WDR20: variants seen among roughly 807,000 people sequenced by gnomAD.
The protein encoded by WDR20 is WD repeat-containing protein 20.
WDR20 carries 3 observed loss-of-function variants against 38.7 expected under a neutral mutation model. The ratio of observed to expected loss-of-function variants is 0.08; its 90% CI spans 0.04 to 0.20. The LOEUF is 0.20. WDR20 is among the 10% of genes least tolerant of loss of function. The pLI is 1.00. For synonymous variants in WDR20, 298 were observed against 285.6 expected (o/e 1.04, Z -0.44); for missense variants, 559 against 727.7 (o/e 0.77, Z 2.67).
chr14:102,179,441 TAAAAAAAAAAA>T (rs5811061), intron 1 of WDR20, among the ~76,000 whole-genome samples: 5 of 136,112 alleles, frequency 3.7e-5, no homozygotes, highest in Non-Finnish European at 7.9e-5. Context: ...TTTTTTTTTC[TAAAAAAAAAAA>T]AAAGAAAGAA....
intron 1 of WDR20, among the ~76,000 whole-genome samples, chr14:102,158,676 T>A (rs971493839): frequency 6.6e-6 from 1 of 152,122 alleles, no homozygotes. Flanking sequence ...TGACTGTACT[T>A]CTTATTTCAC....
At chr14:102,162,621 C>T (rs1411037193) in intron 1 of WDR20, among the ~76,000 whole-genome samples, 3 of 152,118 alleles carry the variant, frequency 2.0e-5, no homozygotes, top group Middle Eastern at 3.4e-3. Flanking sequence ...TGCTCTCTCA[C>T]GCTCTCTCGC....
downstream of WDR20, chr14:102,214,559 T>C (rs947244800): frequency 3.0e-5 from 30 of 985,326 alleles, no homozygotes; most frequent in Admixed American, 7.4e-4. Context: ...ATTGCTATCC[T>C]TTCATTTGAA....
chr14:102,176,282 C>T (rs1030224262), intron 1 of WDR20, among the ~76,000 whole-genome samples: 4 of 152,040 alleles, frequency 2.6e-5, no homozygotes, highest in Non-Finnish European at 4.4e-5. Flanking sequence ...GTAGTCCCAG[C>T]TACCTGGGAG....
At chr14:102,217,599 GTCCCT>G (rs1341825199), downstream of WDR20, among the ~76,000 whole-genome samples, 34 of 152,218 alleles carry the variant, frequency 2.2e-4, 1 homozygote, top group Admixed American at 1.8e-3. Context: ...GGGTCCCGAC[GTCCCT>G]GGGCTGGGCC....
rs986489758 is a variant in WDR20 at position 102,222,060 on chromosome 14, G to T, written c.1693-770G>T. Among the ~76,000 whole-genome samples the T allele has an allele frequency of 1.3e-5, 2 of 152,196 alleles. No individual in the cohort carries two copies. The highest frequency in any genetic ancestry group is 6.5e-5 in the Admixed American group (1 of 15,290). The stretch of plus-strand genomic sequence containing the variant: ...CTTAGGTTTACCCAAGGTCACACCA[G>T]TATTGTAAAATCTGGGTGAGATTCC... On this transcript the variant is annotated intron_variant, in intron 3 of 3. Coordinates refer to the WDR20 transcript ENST00000335263. The surrounding 1 kb of genome is among the most constrained non-coding windows in gnomAD (Gnocchi z 4.4).
intron 1 of WDR20, among the ~76,000 whole-genome samples, chr14:102,182,534 A>T (rs549261808): frequency 3.9e-5 from 6 of 152,302 alleles, no homozygotes; most frequent in Admixed American, 3.9e-4. Flanking sequence ...ATTCCCATTC[A>T]TGCATTTGCT....
At chr14:102,202,802 G>C (rs1021787066) in intron 2 of WDR20, among the ~76,000 whole-genome samples, 2 of 152,120 alleles carry the variant, frequency 1.3e-5, no homozygotes, top group Non-Finnish European at 1.5e-5. Flanking sequence ...GGAGTACAGT[G>C]GTGTAATCAT....
chr14:102,139,740 C>A, upstream of WDR20: 1 of 903,338 alleles, frequency 1.1e-6, no homozygotes, highest in Non-Finnish European at 1.6e-6. Flanking sequence ...GTGAGCACGC[C>A]TGCGCAGTCG....
At chr14:102,184,326 T>A (rs936663427) in intron 1 of WDR20, among the ~76,000 whole-genome samples, 1 of 152,204 alleles carries the variant, frequency 6.6e-6, no homozygotes, top group Non-Finnish European at 1.5e-5. Flanking sequence ...CTGGTAAAGA[T>A]GTTGCAGTGT....
chr14:102,147,919 C>T (rs545133220), intron 1 of WDR20, among the ~76,000 whole-genome samples: 119 of 152,218 alleles, frequency 7.8e-4, no homozygotes, highest in African/African-American at 2.6e-3. Flanking sequence ...TTAGTAGAGA[C>T]GGGGTTTCCC....
intron 1 of WDR20, among the ~76,000 whole-genome samples, chr14:102,144,932 C>T (rs1241921453): frequency 6.6e-6 from 1 of 152,168 alleles, no homozygotes; most frequent in East Asian, 1.9e-4. Context: ...CTCCTGGCCT[C>T]AAGTGATTCA....
At chr14:102,172,060 G>A (rs1253606214) in intron 1 of WDR20, among the ~76,000 whole-genome samples, 5 of 151,470 alleles carry the variant, frequency 3.3e-5, no homozygotes, top group Admixed American at 2.0e-4. Context: ...GAGGCCTTCC[G>A]CAGTGTTTGT....
downstream of WDR20, among the ~76,000 whole-genome samples, chr14:102,215,483 T>A (rs869038): frequency 4.6e-3 from 703 of 152,296 alleles, 6 homozygotes; most frequent in African/African-American, 0.016. Context: ...CTGTAAGTTC[T>A]GGGATATATG....
chr14:102,174,611 G>A (rs1249718981), intron 1 of WDR20, among the ~76,000 whole-genome samples: 1 of 151,984 alleles, frequency 6.6e-6, no homozygotes, highest in East Asian at 1.9e-4. Flanking sequence ...AGTAGAGACG[G>A]GGTTTCACCA....
chr14:102,140,854 A>G (rs2050786613), intron 1 of WDR20, among the ~76,000 whole-genome samples: 1 of 152,192 alleles, frequency 6.6e-6, no homozygotes, highest in African/African-American at 2.4e-5. Context: ...CGAAGGGCTG[A>G]GTACTACAGT....
rs1304624908 is a variant in WDR20, at chr14:102,207,285, T to G, written c.433-1318T>G. On this transcript the variant is annotated intron_variant, in intron 2 of 2. Coordinates refer to ENST00000342702, the MANE Select transcript of WDR20 (RefSeq NM_144574.4). This position sits in a 1 kb window ranked among gnomAD's most constrained non-coding sequence, Gnocchi z 5.0. ...TAGCAGCCTACTTTCTAGGGTCTAA[T>G]GTTCATGCAGTGAGCTTGCATGGCT... Among the ~76,000 whole-genome samples the G allele has an allele frequency of 6.6e-6, 1 of 152,272 alleles. No homozygotes were observed. The highest frequency in any genetic ancestry group is 1.5e-5 in the Non-Finnish European group (1 of 68,048).
intron 1 of WDR20, among the ~76,000 whole-genome samples, chr14:102,167,011 C>G (rs1405207658): frequency 6.6e-6 from 1 of 152,168 alleles, no homozygotes; most frequent in African/African-American, 2.4e-5. Context: ...GATTGTCACT[C>G]CCAGGCTTGA....
chr14:102,175,787 G>A (rs1454837562), intron 1 of WDR20, among the ~76,000 whole-genome samples: 1 of 152,110 alleles, frequency 6.6e-6, no homozygotes, highest in Non-Finnish European at 1.5e-5. Context: ...ATATTCCTAA[G>A]TATTTTATTT....
Sources: allele counts gnomAD v4.1 joint callset (sites outside exome capture counted in the v4.1 genomes callset), GRCh38; gene constraint gnomAD v4.1.1; non-coding constraint Gnocchi (gnomAD v3.1); transcripts MANE v1.5; gene names NCBI Gene and HGNC (gene_info 2026-07-23, HGNC 2026-07-21).